The following EPS15L1 variants were observed in gnomAD, a reference collection of about 807,000 sequenced individuals.
EPS15L1 encodes epidermal growth factor receptor pathway substrate 15 like 1, also known as epidermal growth factor receptor substrate 15-like 1.
In EPS15L1, 43 loss-of-function variants were observed where a neutral mutation model predicts 117.1. That is an observed-to-expected ratio of 0.37 (90% confidence interval 0.29 to 0.47). EPS15L1 has a LOEUF of 0.47. Among genes scored for constraint, EPS15L1 ranks in the 20% least tolerant of loss-of-function variants. EPS15L1 has a pLI of 0.99. For missense variants in EPS15L1, 981 were observed against 1,164.0 expected (o/e 0.84, Z 2.29); for synonymous variants, 459 against 470.5 (o/e 0.98, Z 0.32).
intron 22 of EPS15L1, among the ~76,000 whole-genome samples, chr19:16,369,234 C>A (rs2092186200): frequency 6.6e-6 from 1 of 152,280 alleles, no homozygotes; most frequent in East Asian, 1.9e-4. Flanking sequence ...TGCCTTAGAT[C>A]AAAGCTGTGT....
At chr19:16,414,290 T>TGAGCCTA (rs2092736031) in intron 12 of EPS15L1, among the ~76,000 whole-genome samples, 1 of 151,988 alleles carries the variant, frequency 6.6e-6, no homozygotes, top group African/African-American at 2.4e-5. Context: ...AACACCTGAA[T>TGAGCCTA]GAGCCTAGAA....
At chr19:16,369,989 A>G (rs777135640) in intron 22 of EPS15L1, among the ~76,000 whole-genome samples, 22 of 152,230 alleles carry the variant, frequency 1.4e-4, no homozygotes, top group Middle Eastern at 3.4e-3. Flanking sequence ...GGAGTGTGCC[A>G]ATGTCGCAGA....
chr19:16,428,829 G>T, intron 7 of EPS15L1, 68 bp from the exon 8 acceptor site: 5 of 1,284,736 alleles, frequency 3.9e-6, no homozygotes, highest in East Asian at 2.4e-5. Flanking sequence ...ACCACCTGCC[G>T]GAACTCAGAC....
intron 9 of EPS15L1, 139 bp from the exon 10 acceptor site, chr19:16,421,615 G>T: frequency 1.1e-6 from 1 of 890,722 alleles, no homozygotes; most frequent in Non-Finnish European, 1.7e-6. Context: ...AGCCAAGAGG[G>T]CAGATGTGAT....
chr19:16,460,711 G>A lies in EPS15L1; in HGVS notation c.33+11202C>T, dbSNP rs530616248. 7.9e-5 allele frequency among the ~76,000 whole-genome samples: 12 copies of A among 152,270 alleles called. No homozygotes were observed. The South Asian group carries it at 1.9e-3, about 24-fold the overall frequency. ...CACGGGGGTGCCGCGGGCACAGAGC[G>A]TTCTAGTTCTCAGCAAAGAAAAAAC... On this transcript the variant is annotated intron_variant, in intron 1 of 23. Coordinates refer to ENST00000455140, the MANE Select transcript of EPS15L1 (RefSeq NM_001258374.3).
At chr19:16,434,935 CT>C (rs111593959) in intron 6 of EPS15L1, 19,831 of 139,214 alleles carry the variant, frequency 0.14, 1,145 homozygotes, top group African/African-American at 0.21. Flanking sequence ...AGGAAGTCCT[CT>C]TTTTTTTTTT....
chr19:16,385,012 G>T, intron 21 of EPS15L1, 117 bp downstream of exon 21: 1 of 814,222 alleles, frequency 1.2e-6, no homozygotes, highest in Non-Finnish European at 2.1e-6. Context: ...ACCTTGTGTT[G>T]GAAAGGTGCC....
intron 13 of EPS15L1, among the ~76,000 whole-genome samples, chr19:16,412,455 G>A (rs1377296365): frequency 2.0e-5 from 3 of 151,606 alleles, no homozygotes; most frequent in Admixed American, 6.6e-5. Context: ...AGCTGAGATC[G>A]TGCCACTGCA....
At position 16,376,922 on chromosome 19, in the gene EPS15L1, G is replaced by C. The variant is rs374624461; in HGVS notation, c.2380+200C>G. On this transcript the variant is annotated intron_variant, in intron 22 of 23. Coordinates refer to ENST00000455140, the MANE Select transcript of EPS15L1 (RefSeq NM_001258374.3). ...CCCAGGGGCCCACAGGACGGGGCGAGGGCGGGCAGGCAGGAGGCACACACC... is the reference window on the plus strand; with the variant it reads ...CCCAGGGGCCCACAGGACGGGGCGACGGCGGGCAGGCAGGAGGCACACACC... Among the ~76,000 whole-genome samples, 13 of 152,346 alleles carry C rather than the reference G, an allele frequency of 8.5e-5. No homozygotes were observed. The East Asian group carries it at 1.4e-3, about 16-fold the overall frequency.
chr19:16,390,467 A>G (rs2092464516), intron 19 of EPS15L1, among the ~76,000 whole-genome samples: 1 of 152,296 alleles, frequency 6.6e-6, no homozygotes, highest in East Asian at 1.9e-4. Context: ...ACAAACAAAC[A>G]AGACACAGAT....
chr19:16,378,778 G>A (rs570751591), intron 21 of EPS15L1, among the ~76,000 whole-genome samples: 1 of 152,310 alleles, frequency 6.6e-6, no homozygotes, highest in Admixed American at 6.5e-5. Context: ...GAAGGGGCTG[G>A]GGTGTCCCAG....
chr19:16,373,616 C>T (rs928648800), intron 22 of EPS15L1, among the ~76,000 whole-genome samples: 7 of 152,166 alleles, frequency 4.6e-5, no homozygotes, highest in African/African-American at 1.2e-4. Context: ...ATCTGCTGAC[C>T]GCTCTTGCCC....
rs1370376318 is a variant in EPS15L1, at chr19:16,404,378, T to A, written c.1428+210A>T. 6.6e-6 allele frequency among the ~76,000 whole-genome samples: 1 copy of A among 152,172 alleles called. No individual in the cohort carries two copies. The highest frequency in any genetic ancestry group is 1.9e-4 in the East Asian group (1 of 5,192). ...GTTCGCAGGGACCAAGGCCATTCACTTATACAACCTGACTTCTAGGAGTAC... is the reference window on the plus strand; with the variant it reads ...GTTCGCAGGGACCAAGGCCATTCACATATACAACCTGACTTCTAGGAGTAC... On this transcript the variant is annotated intron_variant, in intron 14 of 23. Coordinates refer to ENST00000455140, the MANE Select transcript of EPS15L1 (RefSeq NM_001258374.3). This position sits in a 1 kb window ranked among gnomAD's most constrained non-coding sequence, Gnocchi z 4.2.
chr19:16,418,605 G>A (rs1413865766), intron 10 of EPS15L1, among the ~76,000 whole-genome samples: 3 of 152,192 alleles, frequency 2.0e-5, no homozygotes, highest in African/African-American at 7.2e-5. Context: ...AATCAGCAAC[G>A]ACTCTCTTTC....
chr19:16,442,170 A>G lies in EPS15L1; in HGVS notation c.75+8T>C. 1 of 1,611,840 alleles carries G rather than the reference A, an allele frequency of 6.2e-7. No individual in the cohort carries two copies. Among genetic ancestry groups the G allele is most frequent in the Non-Finnish European group, 8.5e-7 (1 of 1,177,862 alleles). ...AGTTCCATCTGAAGAGACATCAGCT[A>G]AACTTACCTGCTTGTAATAAGATTC... On this transcript the variant is annotated splice_region_variant and intron_variant, in intron 2 of 23. Transcript: ENST00000455140.
At chr19:16,418,520 A>T (rs1179577543) in intron 10 of EPS15L1, among the ~76,000 whole-genome samples, 1 of 152,244 alleles carries the variant, frequency 6.6e-6, no homozygotes. Context: ...GCTCTGGGTC[A>T]TCTGAATGGC....
intron 16 of EPS15L1, 116 bp downstream of exon 16, chr19:16,402,205 C>A: frequency 6.8e-7 from 1 of 1,473,714 alleles, no homozygotes; most frequent in Non-Finnish European, 9.0e-7. Context: ...AACAGACAGC[C>A]GCCTGCACTT....
At chr19:16,391,910 C>T (rs143422423) in intron 19 of EPS15L1, among the ~76,000 whole-genome samples, 8 of 151,870 alleles carry the variant, frequency 5.3e-5, no homozygotes, top group South Asian at 2.1e-4. Context: ...GCAGGGTGGC[C>T]GGGTCCATGC....
At chr19:16,415,572 A>G (rs2092750745) in intron 12 of EPS15L1, among the ~76,000 whole-genome samples, 1 of 152,214 alleles carries the variant, frequency 6.6e-6, no homozygotes, top group African/African-American at 2.4e-5. Flanking sequence ...AGGACCTGAC[A>G]TGCCCTTGCT....
Sources: allele counts gnomAD v4.1 joint callset (sites outside exome capture counted in the v4.1 genomes callset), GRCh38; gene constraint gnomAD v4.1.1; non-coding constraint Gnocchi (gnomAD v3.1); transcripts MANE v1.5; gene names NCBI Gene and HGNC (gene_info 2026-07-23, HGNC 2026-07-21).